PKP2: variants seen among roughly 807,000 people sequenced by gnomAD.
The protein encoded by PKP2 is plakophilin-2.
PKP2 carries 73 observed loss-of-function variants against 83.4 expected under a neutral mutation model. The ratio of observed to expected loss-of-function variants is 0.88; its 90% CI spans 0.72 to 1.06. PKP2 has a LOEUF of 1.06. PKP2 is among the 50% of genes least tolerant of loss of function. The pLI is 0.00. For synonymous variants in PKP2, 409 were observed against 430.4 expected (o/e 0.95, Z 0.62); for missense variants, 966 against 1,065.4 (o/e 0.91, Z 1.30).
chr12:32,824,749 G>A (rs1189867367), intron 6 of PKP2, among the ~76,000 whole-genome samples: 2 of 152,194 alleles, frequency 1.3e-5, no homozygotes, highest in East Asian at 3.8e-4. Flanking sequence ...TTTGCAGTGT[G>A]TAAGGCTTCA....
intron 4 of PKP2, among the ~76,000 whole-genome samples, chr12:32,852,884 C>G (rs1956713049): frequency 6.6e-6 from 1 of 152,070 alleles, no homozygotes. Context: ...GAGTTCGAGA[C>G]CAGCCTGGCC....
chr12:32,837,725 C>T (rs944485055), intron 6 of PKP2, among the ~76,000 whole-genome samples: 1 of 152,138 alleles, frequency 6.6e-6, no homozygotes, highest in African/African-American at 2.4e-5. Context: ...CTACAACCAA[C>T]CAATGTATAG....
intron 4 of PKP2, among the ~76,000 whole-genome samples, chr12:32,865,742 T>C (rs1436490448): frequency 1.4e-5 from 2 of 146,892 alleles, no homozygotes; most frequent in East Asian, 4.1e-4. Context: ...TAGACTCACA[T>C]ATTTGATCAA....
At chr12:32,799,391 C>T (rs1239439373) in intron 10 of PKP2, among the ~76,000 whole-genome samples, 1 of 152,162 alleles carries the variant, frequency 6.6e-6, no homozygotes, top group East Asian at 1.9e-4. Flanking sequence ...CCTTAAAGAA[C>T]TAAAAGTAGA....
intron 6 of PKP2, among the ~76,000 whole-genome samples, chr12:32,835,852 T>C (rs1309120728): frequency 2.6e-5 from 4 of 152,184 alleles, no homozygotes; most frequent in Admixed American, 1.3e-4. Flanking sequence ...GATGGGTCCA[T>C]GTAGCCCAGG....
chr12:32,823,280 G>A (rs904057076), intron 7 of PKP2, among the ~76,000 whole-genome samples: 3 of 152,064 alleles, frequency 2.0e-5, no homozygotes, highest in African/African-American at 7.2e-5. Flanking sequence ...AGCTGGGCAT[G>A]GTGGCGTACA....
intron 6 of PKP2, among the ~76,000 whole-genome samples, chr12:32,829,174 A>G (rs1313620378): frequency 6.6e-6 from 1 of 151,490 alleles, no homozygotes; most frequent in Non-Finnish European, 1.5e-5. Context: ...GTGATCCTCC[A>G]GCCTGGCCCC....
chr12:32,802,502 T>C lies in PKP2; in HGVS notation c.2068A>G (p.Thr690Ala), dbSNP rs867374780. The C allele has an allele frequency of 2.3e-5, 37 of 1,613,498 alleles. 2 individuals carry two copies. The Middle Eastern group carries it at 4.9e-3, about 215-fold the overall frequency. Residue 690 changes from threonine (T) to alanine (A), a missense_variant, in exon 10 of 13, where the codon ACC becomes GCC. Physicochemically the swap from Thr to Ala is moderately conservative, Grantham distance 58. Transcript: ENST00000340811. ...TCACCAACATGCAGCATCTTTCGGG[T>C]GTGCTGCAGGCCACTTTCCTTCTGG... ...VVQKESGLQH[T>A]RKMLHVGDPS...
rs764578758 is a variant in PKP2, at chr12:32,796,324, C to T, written c.2168-26G>A. 6.5e-6 allele frequency: 10 copies of T among 1,528,098 alleles called. No homozygotes were observed. In the South Asian group the frequency reaches 1.0e-4, roughly 16 times the overall value. 94.7% of individuals were successfully genotyped at this position (1,528,098 alleles called of 1,614,324 possible). ...CTACAAAATGAAAAAAAAAACAAAA[C>T]ACTTGATTAAAAAGATTGTTTCTTA... is the stretch of plus-strand genomic sequence containing the variant. On this transcript the variant is annotated intron_variant, in intron 10 of 12. Coordinates refer to ENST00000340811, the MANE Select transcript of PKP2 (RefSeq NM_001005242.3).
chr12:32,822,562 AT>A lies in PKP2; in HGVS notation c.1743del (p.Lys581AsnfsTer31), dbSNP rs757849830. ...TTTTGAATATAGATATTCTGGGAAT[AT>A]TTCTCTGGGAGCTCTGCCTCCAGCT... The part of the protein sequence containing the change: ...SYQLEAELPE[K>X]YSQNIYIQNR... On this transcript the variant is annotated frameshift_variant, in exon 8 of 13. Transcript: ENST00000340811. LOFTEE classifies it high-confidence loss of function. The A allele has an allele frequency of 2.5e-6, 4 of 1,614,120 alleles. No individual in the cohort carries two copies. The highest frequency in any genetic ancestry group is 1.1e-5 in the South Asian group (1 of 91,082).
rs1455725549 is a variant in PKP2 at position 32,837,923 on chromosome 12, C to T, written c.1556+3105G>A. On this transcript the variant is annotated intron_variant, in intron 6 of 12. Coordinates refer to ENST00000340811, the MANE Select transcript of PKP2 (RefSeq NM_001005242.3). Reference sequence around the variant, plus strand: ...TGCTTACAGAAGAAAAAAATTAACTCCTGTTTCTCAAAGAACTGAAAATAG... The same window carrying T: ...TGCTTACAGAAGAAAAAAATTAACTTCTGTTTCTCAAAGAACTGAAAATAG... Among the ~76,000 whole-genome samples the T allele has an allele frequency of 2.0e-5, 3 of 152,286 alleles. No homozygotes were observed. In the East Asian group the frequency reaches 5.8e-4, roughly 29 times the overall value.
rs1956953090 is a variant in PKP2, at chr12:32,878,279, C to T, written c.601G>A (p.Gly201Arg). The T allele has an allele frequency of 6.2e-7, 1 of 1,613,836 alleles. No homozygotes were observed. Among genetic ancestry groups the T allele is most frequent in the African/African-American group, 1.3e-5 (1 of 74,906 alleles). The change falls in exon 3 of 13, where the codon GGG becomes AGG. Residue 201 changes from glycine (G) to arginine (R), a missense_variant. Transcript: ENST00000340811. Reference protein sequence around the residue: ...PPRYARSEIVGVSRAGTTSRQ... With the variant: ...PPRYARSEIVRVSRAGTTSRQ... ...CTTGTGGTGCCAGCACGGCTGACCC[C>T]CACGATCTCGGAACGAGCATATCTC... is the stretch of plus-strand genomic sequence containing the variant.
chr12:32,858,084 AATATATATATATAT>A (rs869148477), intron 4 of PKP2, among the ~76,000 whole-genome samples: 3 of 67,026 alleles, frequency 4.5e-5, no homozygotes, highest in African/African-American at 1.6e-4. Flanking sequence ...AAAAAAAAAA[AATATATATATATAT>A]ATATATATAT....
At chr12:32,842,718 A>G (rs187918741) in intron 5 of PKP2, among the ~76,000 whole-genome samples, 1,551 of 151,656 alleles carry the variant, frequency 0.01, 10 homozygotes, top group Non-Finnish European at 0.016. Context: ...TTTGTTGCCA[A>G]GGCTGAAGTG....
intron 10 of PKP2, among the ~76,000 whole-genome samples, chr12:32,798,825 A>C (rs956305070): frequency 6.6e-6 from 1 of 152,180 alleles, no homozygotes; most frequent in Non-Finnish European, 1.5e-5. Context: ...AGAAGATAAC[A>C]CTGGAAAAAC....
rs1201468352 is a variant in PKP2 at position 32,878,979 on chromosome 12, C to T, written c.277G>A (p.Val93Ile). 6.2e-7 allele frequency: 1 copy of T among 1,609,286 alleles called. No homozygotes were observed. Among genetic ancestry groups the T allele is most frequent in the African/African-American group, 1.3e-5 (1 of 74,794 alleles). The change falls in exon 2 of 13, where the codon GTT (valine) becomes ATT (isoleucine). Residue 93 changes from valine to isoleucine, a missense_variant. Physicochemically the swap from Val to Ile is conservative, Grantham distance 29. Coordinates refer to ENST00000340811, the MANE Select transcript of PKP2 (RefSeq NM_001005242.3). ...CGGCCTCCAACAAAATCATTTTCAA[C>T]CAAGTGTAGGTTGTAGACATACTCA... is the stretch of plus-strand genomic sequence containing the variant. ...VPEYVYNLHL[V>I]ENDFVGGRSP...
intron 9 of PKP2, among the ~76,000 whole-genome samples, chr12:32,814,916 C>T (rs928697251): frequency 6.6e-6 from 1 of 151,400 alleles, no homozygotes; most frequent in Non-Finnish European, 1.5e-5. Flanking sequence ...CAGAGTGAGA[C>T]TCTGTCTTAA....
intron 3 of PKP2, among the ~76,000 whole-genome samples, chr12:32,870,249 A>G (rs1956884359): frequency 6.6e-6 from 1 of 152,120 alleles, no homozygotes; most frequent in African/African-American, 2.4e-5. Context: ...GAATACATGC[A>G]CATGTGTACA....
At chr12:32,859,152 A>G (rs12424177) in intron 4 of PKP2, among the ~76,000 whole-genome samples, 10,469 of 152,252 alleles carry the variant, frequency 0.069, 620 homozygotes, top group Admixed American at 0.19. Flanking sequence ...TATTCTATAA[A>G]TGGATGAAAT....
Sources: allele counts gnomAD v4.1 joint callset (sites outside exome capture counted in the v4.1 genomes callset), GRCh38; gene constraint gnomAD v4.1.1; transcripts MANE v1.5; gene names NCBI Gene and HGNC (gene_info 2026-07-23, HGNC 2026-07-21).